CAMK2A: variants seen among roughly 807,000 people sequenced by gnomAD.
CAMK2A encodes calcium/calmodulin dependent protein kinase II alpha.
A neutral mutation model predicts 79.2 loss-of-function variants in CAMK2A; 7 were observed. That is an observed-to-expected ratio of 0.09 (90% confidence interval 0.05 to 0.17). CAMK2A has a LOEUF of 0.17. Among genes scored for constraint, CAMK2A ranks in the 10% least tolerant of loss-of-function variants. The pLI is 1.00. For missense variants in CAMK2A, 214 were observed against 646.4 expected, an observed-to-expected ratio of 0.33 and a Z score of 7.25; for synonymous variants, 242 against 251.7, an observed-to-expected ratio of 0.96 and a Z score of 0.36.
intron 15 of CAMK2A, among the ~76,000 whole-genome samples, chr5:150,235,390 T>C (rs958506222): frequency 6.6e-6 from 1 of 152,204 alleles, no homozygotes; most frequent in Non-Finnish European, 1.5e-5. Flanking sequence ...CACTGGCCTT[T>C]CTCATCTGCC....
chr5:150,263,188 A>C (rs374639350), intron 3 of CAMK2A, among the ~76,000 whole-genome samples: 2 of 152,232 alleles, frequency 1.3e-5, no homozygotes, highest in Non-Finnish European at 2.9e-5. Context: ...GCAATGAAGC[A>C]GCAAACTCAG....
chr5:150,273,471 T>C (rs765592873), intron 1 of CAMK2A, among the ~76,000 whole-genome samples: 3 of 152,242 alleles, frequency 2.0e-5, no homozygotes, highest in Non-Finnish European at 2.9e-5. Flanking sequence ...TCCAGGTCTC[T>C]GAACATTTTT....
chr5:150,237,157 G>C (rs1265220494), intron 15 of CAMK2A, among the ~76,000 whole-genome samples: 1 of 152,150 alleles, frequency 6.6e-6, no homozygotes, highest in Non-Finnish European at 1.5e-5. Flanking sequence ...ACACGGGGCG[G>C]GTCTCATCTT....
chr5:150,265,059 C>G (rs907517157), intron 2 of CAMK2A, 44 bp from the exon 3 acceptor site: 1 of 1,380,772 alleles, frequency 7.2e-7, no homozygotes, highest in Non-Finnish European at 1.0e-6. Flanking sequence ...AGGAAGGAAC[C>G]ATTACCCTCC....
Position 150,260,195 on chromosome 5 carries a change from G to A in CAMK2A, c.218-2578C>T, listed in dbSNP as rs140689196. Among the ~76,000 whole-genome samples, 674 of 152,072 alleles carry A rather than the reference G, an allele frequency of 4.4e-3. 6 individuals are homozygous for A. Among genetic ancestry groups the A allele is most frequent in the African/African-American group, 0.015 (634 of 41,434 alleles). On this transcript the variant is annotated intron_variant, in intron 3 of 18. Transcript: ENST00000671881. Reference sequence around the variant, plus strand: ...GTATTGGCCGGGCACAGTGGCTCACGACTGTAATCCCAGCACTTTGGGAGG... The same window carrying A: ...GTATTGGCCGGGCACAGTGGCTCACAACTGTAATCCCAGCACTTTGGGAGG...
chr5:150,229,054 C>T (rs754037727), intron 16 of CAMK2A, among the ~76,000 whole-genome samples: 36 of 152,156 alleles, frequency 2.4e-4, no homozygotes, highest in Non-Finnish European at 4.4e-4. Flanking sequence ...ATAACATGGA[C>T]CCCTGTGACA....
At chr5:150,243,920 C>A (rs948754033) in intron 13 of CAMK2A, among the ~76,000 whole-genome samples, 2 of 152,178 alleles carry the variant, frequency 1.3e-5, no homozygotes. Context: ...AACCATTTAA[C>A]CTGGCATCCC....
chr5:150,263,504 TACACACATTCACACACACACTTACACAG>T (rs1382418370), intron 3 of CAMK2A, among the ~76,000 whole-genome samples: 1 of 148,016 alleles, frequency 6.8e-6, no homozygotes, highest in African/African-American at 2.5e-5. Flanking sequence ...CACACTCACA[TACACACATTCACACACACACTTACACAG>T]ACACACATTC....
At position 150,221,534 on chromosome 5, in the gene CAMK2A, A is replaced by T. The variant is rs1023104098; in HGVS notation, c.*1176T>A. On this transcript the variant is annotated 3_prime_UTR_variant, in exon 19 of 19. Coordinates refer to ENST00000671881, the MANE Select transcript of CAMK2A (RefSeq NM_015981.4). ...CCAGTTTGCGAGGGAAGCAAAGAAA[A>T]GTCCAGGTATTTCCATCCTGACAGC... 2.0e-5 allele frequency: 8 copies of T among 398,594 alleles called. No individual in the cohort carries two copies. The highest frequency in any genetic ancestry group is 4.4e-5 in the Admixed American group (1 of 22,722). 24.7% of individuals were successfully genotyped at this position (398,594 alleles called of 1,614,324 possible). A position where few individuals can be genotyped will look rare whatever the true frequency, so the allele number is the denominator to read the frequency against.
intron 1 of CAMK2A, among the ~76,000 whole-genome samples, chr5:150,287,937 C>CTGTGTGTGTGTGTGTG (rs57886187): frequency 1.4e-5 from 2 of 140,776 alleles, no homozygotes; most frequent in African/African-American, 2.6e-5. Context: ...AGGATAGCCT[C>CTGTGTGTGTGTGTGTG]TGTGTGTGTG....
intron 13 of CAMK2A, among the ~76,000 whole-genome samples, chr5:150,240,814 G>A (rs1046307743): frequency 5.3e-5 from 8 of 152,340 alleles, no homozygotes; most frequent in African/African-American, 1.9e-4. Context: ...CCCACAGTCA[G>A]ACCCTCTCCA....
At chr5:150,283,755 G>A (rs1351043482) in intron 1 of CAMK2A, among the ~76,000 whole-genome samples, 18 of 152,222 alleles carry the variant, frequency 1.2e-4, no homozygotes, top group Admixed American at 1.2e-3. Context: ...GCCCCGTGAG[G>A]CAGAGACTAC....
intron 11 of CAMK2A, 98 bp downstream of exon 11, chr5:150,250,128 A>G: frequency 1.1e-6 from 1 of 891,480 alleles, no homozygotes. Context: ...TATTGAATCA[A>G]TGAAGGAAAG....
rs146072465 is a variant in CAMK2A at position 150,285,633 on chromosome 5, C to T, written c.62+3931G>A. Among the ~76,000 whole-genome samples, 373 of 152,296 alleles carry T rather than the reference C, an allele frequency of 2.4e-3. 1 individual carries two copies. Among genetic ancestry groups the T allele is most frequent in the African/African-American group, 8.7e-3 (363 of 41,552 alleles). On this transcript the variant is annotated intron_variant, in intron 1 of 18. Coordinates refer to ENST00000671881, the MANE Select transcript of CAMK2A (RefSeq NM_015981.4). ...CTTAGGTCGAGGAAGCTGCCCTCTC[C>T]TCCCTGTCAACCATGCTGGCCAACT...
chr5:150,234,251 C>T (rs919779174), intron 15 of CAMK2A, among the ~76,000 whole-genome samples: 5 of 152,154 alleles, frequency 3.3e-5, no homozygotes, highest in East Asian at 1.9e-4. Context: ...CTCACCGTTC[C>T]AGGAGCCTGT....
chr5:150,228,192 G>A lies in CAMK2A; in HGVS notation c.1237C>T (p.Leu413=), dbSNP rs376699738. ...LDFHRFYFEN[L]WSRNSKPVHT... ...ACCACAGAGAGAAGGAATTGCTCAC[G>A]GTTTTCAAAATAGAATCGATGGAAG... The change falls in exon 17 of 19, where the codon CTG becomes TTG. Residue 413 remains leucine (L), a splice_region_variant and synonymous_variant. Transcript: ENST00000671881. 6.5e-5 allele frequency: 104 copies of A among 1,611,590 alleles called. No individual in the cohort carries two copies. The highest frequency in any genetic ancestry group is 1.3e-4 in the South Asian group (12 of 90,972).
At chr5:150,239,502 G>A (rs1004935993) in intron 14 of CAMK2A, among the ~76,000 whole-genome samples, 2 of 152,076 alleles carry the variant, frequency 1.3e-5, no homozygotes, top group East Asian at 1.9e-4. Flanking sequence ...GCTGGTCTGG[G>A]CCGTGGAGTT....
At chr5:150,242,630 C>T (rs540887637) in intron 13 of CAMK2A, among the ~76,000 whole-genome samples, 5 of 152,220 alleles carry the variant, frequency 3.3e-5, no homozygotes, top group Non-Finnish European at 7.3e-5. Flanking sequence ...CTGCAAAGAA[C>T]TGCTGTGCTC....
chr5:150,222,597 G>T lies in CAMK2A; in HGVS notation c.*113C>A. ...GCAGGTACAGAAGTGACGGTGGTGG[G>T]GTGATGACATGGGAGAATTCCAGCA... is the stretch of plus-strand genomic sequence containing the variant. On this transcript the variant is annotated 3_prime_UTR_variant, in exon 19 of 19. Coordinates refer to ENST00000671881, the MANE Select transcript of CAMK2A (RefSeq NM_015981.4). 8.8e-7 allele frequency: 1 copy of T among 1,138,750 alleles called. No homozygotes were observed. Among genetic ancestry groups the T allele is most frequent in the Non-Finnish European group, 1.3e-6 (1 of 754,106 alleles). 70.5% of individuals were successfully genotyped at this position (1,138,750 alleles called of 1,614,324 possible).
Sources: allele counts gnomAD v4.1 joint callset (sites outside exome capture counted in the v4.1 genomes callset), GRCh38; gene constraint gnomAD v4.1.1; transcripts MANE v1.5; gene names NCBI Gene and HGNC (gene_info 2026-07-23, HGNC 2026-07-21).